Variants in MCC observed in about 807,000 individuals in gnomAD.
The protein encoded by MCC is colorectal mutant cancer protein.
A neutral mutation model predicts 116.2 loss-of-function variants in MCC; 90 were observed. The observed-to-expected ratio is 0.77, with a 90% CI of 0.65 to 0.92. The LOEUF (loss-of-function observed/expected upper bound fraction) is 0.92. Among genes scored for constraint, MCC ranks in the 40% least tolerant of loss-of-function variants. MCC has a pLI of 0.00. For missense variants in MCC, 1,516 were observed against 1,312.2 expected (o/e 1.16, Z -2.40); for synonymous variants, 578 against 510.5 (o/e 1.13, Z -1.78).
intron 8 of MCC, among the ~76,000 whole-genome samples, chr5:113,095,054 T>C (rs1022807724): frequency 6.6e-6 from 1 of 152,160 alleles, no homozygotes; most frequent in Non-Finnish European, 1.5e-5. Flanking sequence ...AAAGCATGCA[T>C]ACCACCAGCT....
At chr5:113,283,885 A>T (rs1435242999) in intron 3 of MCC, among the ~76,000 whole-genome samples, 1 of 152,206 alleles carries the variant, frequency 6.6e-6, no homozygotes, top group East Asian at 1.9e-4. Context: ...AGCAAAACCA[A>T]ACCTCCCTCT....
At chr5:113,472,054 C>T (rs1049822073) in intron 1 of MCC, among the ~76,000 whole-genome samples, 34 of 152,214 alleles carry the variant, frequency 2.2e-4, no homozygotes, top group African/African-American at 7.7e-4. Flanking sequence ...TTCCAGGTGC[C>T]GTCTGTCACC....
chr5:113,265,784 C>T (rs1765396453), intron 3 of MCC, among the ~76,000 whole-genome samples: 1 of 152,112 alleles, frequency 6.6e-6, no homozygotes, highest in African/African-American at 2.4e-5. Flanking sequence ...TTACACCTCC[C>T]CTGCTTCAGA....
At chr5:113,373,110 C>T (rs1218471953) in intron 2 of MCC, among the ~76,000 whole-genome samples, 1 of 151,338 alleles carries the variant, frequency 6.6e-6, no homozygotes, top group Non-Finnish European at 1.5e-5. Flanking sequence ...ACCCGAGAGG[C>T]GGAGCTTGCA....
intron 6 of MCC, among the ~76,000 whole-genome samples, chr5:113,119,884 T>C (rs1757633289): frequency 6.6e-6 from 1 of 152,184 alleles, no homozygotes; most frequent in African/African-American, 2.4e-5. Context: ...GGATGCCCCA[T>C]GGCGCAGATA....
chr5:113,084,220 A>C, intron 9 of MCC, 30 bp from the exon 10 acceptor site: 1 of 1,524,988 alleles, frequency 6.6e-7, no homozygotes, highest in Non-Finnish European at 9.1e-7. Flanking sequence ...CATTATAGAA[A>C]ACTACACACC....
intron 1 of MCC, among the ~76,000 whole-genome samples, chr5:113,427,489 T>C (rs1321070497): frequency 6.6e-6 from 1 of 152,202 alleles, no homozygotes; most frequent in Non-Finnish European, 1.5e-5. Flanking sequence ...TATTTCACTG[T>C]GTTTATGTTT....
chr5:113,078,482 G>A (rs938049548), intron 11 of MCC, among the ~76,000 whole-genome samples: 7 of 152,180 alleles, frequency 4.6e-5, no homozygotes, highest in Admixed American at 4.6e-4. Flanking sequence ...CTTCATCCCT[G>A]GGATGCAAGG....
chr5:113,049,652 G>T lies in MCC; in HGVS notation c.2449-353C>A, dbSNP rs569763943. On this transcript the variant is annotated intron_variant, in intron 15 of 18. Coordinates refer to ENST00000408903, the MANE Select transcript of MCC (RefSeq NM_001085377.2). The stretch of plus-strand genomic sequence containing the variant: ...TTGATGGAAACCCATTCTCTGGTCT[G>T]CAGAGGCTGAGCTGCACCTGCCAGA... 1.5e-4 allele frequency among the ~76,000 whole-genome samples: 23 copies of T among 152,344 alleles called. 1 individual carries two copies. Among genetic ancestry groups the T allele is most frequent in the Admixed American group, 1.4e-3 (22 of 15,300 alleles).
At chr5:113,049,815 C>G (rs567651630) in intron 15 of MCC, among the ~76,000 whole-genome samples, 1 of 152,184 alleles carries the variant, frequency 6.6e-6, no homozygotes, top group African/African-American at 2.4e-5. Flanking sequence ...GCCAGGCATG[C>G]GGCGAATGCC....
intron 3 of MCC, among the ~76,000 whole-genome samples, chr5:113,179,493 A>G (rs1044058603): frequency 2.0e-5 from 3 of 152,166 alleles, no homozygotes; most frequent in Non-Finnish European, 4.4e-5. Flanking sequence ...TTCTTCCCAA[A>G]ATGGGTTCAA....
intron 1 of MCC, among the ~76,000 whole-genome samples, chr5:113,394,141 C>T (rs1769468544): frequency 6.6e-6 from 1 of 152,080 alleles, no homozygotes; most frequent in Non-Finnish European, 1.5e-5. Flanking sequence ...CTCCTTCAAC[C>T]TACATAAATT....
intron 3 of MCC, among the ~76,000 whole-genome samples, chr5:113,274,953 C>T (rs1424970807): frequency 1.3e-5 from 2 of 152,184 alleles, no homozygotes; most frequent in Non-Finnish European, 2.9e-5. Flanking sequence ...CTGCACCATG[C>T]CTAGATTCCC....
At chr5:113,148,487 A>G (rs2150289627) in intron 4 of MCC, among the ~76,000 whole-genome samples, 1 of 152,358 alleles carries the variant, frequency 6.6e-6, no homozygotes, top group East Asian at 1.9e-4. Flanking sequence ...TCTGTTGAAC[A>G]TAACCACCAT....
intron 3 of MCC, among the ~76,000 whole-genome samples, chr5:113,203,014 T>A (rs1211139968): frequency 1.3e-5 from 2 of 152,160 alleles, no homozygotes; most frequent in Non-Finnish European, 2.9e-5. Flanking sequence ...CTTTCAGAAC[T>A]TCTGAGCCAC....
intron 17 of MCC, among the ~76,000 whole-genome samples, chr5:113,033,156 G>GT (rs1751075193): frequency 6.6e-6 from 1 of 152,186 alleles, no homozygotes; most frequent in Non-Finnish European, 1.5e-5. Flanking sequence ...ATATTTTCCA[G>GT]TAACAGCATT....
intron 8 of MCC, among the ~76,000 whole-genome samples, chr5:113,099,987 C>T (rs560597640): frequency 8.7e-4 from 133 of 152,250 alleles, no homozygotes; most frequent in African/African-American, 3.0e-3. Flanking sequence ...TTACAGGTGG[C>T]GTGGGCTTTA....
chr5:113,048,136 G>C (rs991548211), intron 16 of MCC, among the ~76,000 whole-genome samples: 5 of 152,142 alleles, frequency 3.3e-5, no homozygotes, highest in Non-Finnish European at 5.9e-5. Context: ...CATGTAAATG[G>C]GGATAACTAT....
At chr5:113,299,345 A>AAG (rs1561514662) in intron 3 of MCC, among the ~76,000 whole-genome samples, 15 of 133,016 alleles carry the variant, frequency 1.1e-4, no homozygotes, top group Non-Finnish European at 7.9e-5. Flanking sequence ...AAAAAAAAAA[A>AAG]AGAGTAGGGC....
Sources: allele counts gnomAD v4.1 joint callset (sites outside exome capture counted in the v4.1 genomes callset), GRCh38; gene constraint gnomAD v4.1.1; transcripts MANE v1.5; gene names NCBI Gene and HGNC (gene_info 2026-07-23, HGNC 2026-07-21).